The following DNAH7 variants were observed in gnomAD, a reference collection of about 807,000 sequenced individuals.
The protein encoded by DNAH7 is axonemal beta dynein heavy chain 7.
A neutral mutation model predicts 444.6 loss-of-function variants in DNAH7; 397 were observed. That is an observed-to-expected ratio of 0.89 (90% CI 0.82 to 0.97). The LOEUF is 0.97. Among genes scored for constraint, DNAH7 ranks in the 50% least tolerant of loss-of-function variants. DNAH7 has a pLI of 0.00. For missense variants in DNAH7, 4,902 were observed against 4,800.8 expected (o/e 1.02, Z -0.62); for synonymous variants, 1,636 against 1,624.4 (o/e 1.01, Z -0.17).
chr2:195,957,024 G>A (rs1377567655), intron 19 of DNAH7, among the ~76,000 whole-genome samples: 5 of 152,120 alleles, frequency 3.3e-5, no homozygotes, highest in African/African-American at 4.8e-5. Context: ...CAGAACCAAA[G>A]GTTGTTAAAC....
chr2:195,756,600 AC>A (rs1269793241), intron 61 of DNAH7, among the ~76,000 whole-genome samples: 2 of 151,894 alleles, frequency 1.3e-5, no homozygotes, highest in East Asian at 3.9e-4. Context: ...TGCAACCTCG[AC>A]CTTCTGGGCT....
chr2:195,805,933 A>G (rs753155838), intron 54 of DNAH7, among the ~76,000 whole-genome samples: 1 of 152,164 alleles, frequency 6.6e-6, no homozygotes. Flanking sequence ...TACTTTGACA[A>G]TCTAAATTCT....
At position 195,998,897 on chromosome 2, in the gene DNAH7, A is replaced by C. The variant is rs182702727; in HGVS notation, c.1353+1807T>G. The C allele has an allele frequency of 5.8e-3, 2,832 of 491,474 alleles. 19 individuals are homozygous for C. The highest frequency in any genetic ancestry group is 8.5e-3 in the Non-Finnish European group (2,362 of 276,886). 30.4% of individuals were successfully genotyped at this position (491,474 alleles called of 1,614,324 possible). ...CGTATAGCTAAGGAAATAACAACAA[A>C]AAAAAAAGTCTAAGGGACCAAAATG... On this transcript the variant is annotated intron_variant, in intron 12 of 64. Transcript: ENST00000312428.
chr2:195,891,825 T>C, intron 30 of DNAH7, 21 bp from the exon 31 acceptor site: 1 of 1,535,412 alleles, frequency 6.5e-7, no homozygotes, highest in South Asian at 1.3e-5. Flanking sequence ...AAAAAAAACA[T>C]TTATTTATGT....
intron 10 of DNAH7, among the ~76,000 whole-genome samples, chr2:196,012,503 C>T (rs909602876): frequency 6.6e-6 from 1 of 152,056 alleles, no homozygotes; most frequent in Non-Finnish European, 1.5e-5. Context: ...ATTAGGTAAC[C>T]ATTCTCTCAT....
intron 40 of DNAH7, among the ~76,000 whole-genome samples, chr2:195,870,671 C>T (rs1700624609): frequency 6.6e-6 from 1 of 152,216 alleles, no homozygotes; most frequent in East Asian, 1.9e-4. Flanking sequence ...GGAATTAGTG[C>T]CTTTATAAAA....
At chr2:195,989,429 GAT>G (rs1347266952) in intron 12 of DNAH7, among the ~76,000 whole-genome samples, 1 of 152,178 alleles carries the variant, frequency 6.6e-6, no homozygotes, top group African/African-American at 2.4e-5. Context: ...GTATTTCTCT[GAT>G]AATTAGAGAT....
rs749040440 is a variant in DNAH7, at chr2:195,857,693, G to A, written c.8098C>T (p.Pro2700Ser). Reference protein sequence around the residue: ...DITVVKSMKSPPAGVKLVMEA... With the variant: ...DITVVKSMKSSPAGVKLVMEA... The stretch of plus-strand genomic sequence containing the variant: ...ATAACAAGCTTGACACCAGCAGGAG[G>A]ACTCTTCATGGATTTTACCACTGTA... The change falls in exon 44 of 65, where the codon CCT (proline) becomes TCT (serine). Residue 2700 changes from proline to serine, a missense_variant. Coordinates refer to ENST00000312428, the MANE Select transcript of DNAH7 (RefSeq NM_018897.3). 1.9e-6 allele frequency: 3 copies of A among 1,610,442 alleles called. No individual in the cohort carries two copies. The highest frequency in any genetic ancestry group is 1.7e-5 in the Admixed American group (1 of 59,402).
In DNAH7 at chr2:195,987,067, T is replaced by C. The variant is rs1037750277; in HGVS notation, c.1753A>G (p.Arg585Gly). The change falls in exon 14 of 65, where the codon AGA (arginine) becomes GGA (glycine). Residue 585 changes from arginine to glycine, a missense_variant and splice_region_variant. By Grantham distance (125) the Arg-to-Gly change is moderately radical. Coordinates refer to ENST00000312428, the MANE Select transcript of DNAH7 (RefSeq NM_018897.3). ...MFRDHQEVNT[R>G]LCDEFERIAE... ...AAAAAACCAGTATCACATAAATACC[T>C]TGTATTTACTTCCTGATGATCTCTG... The C allele has an allele frequency of 6.3e-7, 1 of 1,590,872 alleles. No homozygotes were observed. The highest frequency in any genetic ancestry group is 8.5e-7 in the Non-Finnish European group (1 of 1,173,756).
At chr2:195,994,539 T>C (rs940503615) in intron 12 of DNAH7, 4 of 482,674 alleles carry the variant, frequency 8.3e-6, no homozygotes, top group Admixed American at 2.6e-5. Context: ...GATATTCCCA[T>C]TGTGGTCTTG....
At chr2:195,912,879 A>C (rs1687445070) in intron 24 of DNAH7, among the ~76,000 whole-genome samples, 1 of 152,212 alleles carries the variant, frequency 6.6e-6, no homozygotes, top group African/African-American at 2.4e-5. Context: ...TATTTTCCAA[A>C]TTCAGGCTCT....
chr2:195,809,955 C>T (rs1300963282), intron 51 of DNAH7, 84 bp from the exon 52 acceptor site: 1 of 1,134,856 alleles, frequency 8.8e-7, no homozygotes, highest in Non-Finnish European at 1.1e-6. Flanking sequence ...GTATGTTCTT[C>T]TGATAAACTT....
chr2:195,848,780 A>C (rs1448571923), intron 46 of DNAH7, among the ~76,000 whole-genome samples: 1 of 152,182 alleles, frequency 6.6e-6, no homozygotes, highest in Non-Finnish European at 1.5e-5. Flanking sequence ...GCAAGGAAGA[A>C]GGGGCTGTCC....
At chr2:195,780,044 T>C (rs1190694483) in intron 58 of DNAH7, among the ~76,000 whole-genome samples, 1 of 152,204 alleles carries the variant, frequency 6.6e-6, no homozygotes, top group Non-Finnish European at 1.5e-5. Flanking sequence ...ATTTTTAGTT[T>C]ATGAATGCAA....
intron 9 of DNAH7, among the ~76,000 whole-genome samples, chr2:196,013,959 T>C (rs990501534): frequency 1.3e-5 from 2 of 152,304 alleles, no homozygotes; most frequent in East Asian, 1.9e-4. Context: ...CACCTTGCCA[T>C]TGAGCCACCA....
intron 61 of DNAH7, among the ~76,000 whole-genome samples, chr2:195,763,977 T>C (rs751640212): frequency 6.6e-6 from 1 of 151,772 alleles, no homozygotes; most frequent in South Asian, 2.1e-4. Context: ...GATTTTTGCA[T>C]CCCTGATGCA....
chr2:196,015,980 A>C (rs939030337), intron 9 of DNAH7, among the ~76,000 whole-genome samples: 2 of 152,220 alleles, frequency 1.3e-5, no homozygotes, highest in African/African-American at 4.8e-5. Flanking sequence ...ATGTGTCTTT[A>C]CCATGGATGC....
rs1215919003 is a variant in DNAH7, at chr2:196,001,535, T to G, written c.1173+140A>C. On this transcript the variant is annotated intron_variant, in intron 11 of 64. Coordinates refer to ENST00000312428, the MANE Select transcript of DNAH7 (RefSeq NM_018897.3). ...ATGTGCCACCATGCCTGGCTGACAA[T>G]TTTTTCTTTTAAGATAAGTGTAATA... is the stretch of plus-strand genomic sequence containing the variant. 4 of 775,652 alleles carry G rather than the reference T, an allele frequency of 5.2e-6. No homozygotes were observed. The South Asian group carries it at 1.8e-4, about 34-fold the overall frequency. 48.0% of individuals were successfully genotyped at this position (775,652 alleles called of 1,614,324 possible). A position where few individuals can be genotyped will look rare whatever the true frequency, so the allele number is the denominator to read the frequency against.
intron 57 of DNAH7, among the ~76,000 whole-genome samples, chr2:195,792,447 CAG>C (rs1020911340): frequency 3.8e-5 from 4 of 106,530 alleles, no homozygotes; most frequent in Non-Finnish European, 8.2e-5. Flanking sequence ...ATTAAAAAAA[CAG>C]GGGGAGATGA....
Sources: gnomAD v4.1 joint callset for allele counts (sites outside exome capture counted in the v4.1 genomes callset) on GRCh38, gnomAD v4.1.1 for gene constraint, MANE v1.5 for transcripts, NCBI Gene and HGNC (gene_info 2026-07-23, HGNC 2026-07-21) for gene names.